COLQ: variants seen among roughly 807,000 people sequenced by gnomAD.
COLQ encodes the protein acetylcholinesterase collagenic tail peptide.
In COLQ, 48 loss-of-function variants were observed where a neutral mutation model predicts 69.0. The observed-to-expected ratio is 0.70, with a 90% CI of 0.55 to 0.88. COLQ has a LOEUF of 0.88. COLQ is among the 40% of genes least tolerant of loss of function. The pLI is 0.00. For missense variants in COLQ, 618 were observed against 594.6 expected (o/e 1.04, Z -0.41); for synonymous variants, 217 against 211.2 (o/e 1.03, Z -0.24).
chr3:15,485,304 C>T (rs556803113), intron 3 of COLQ, among the ~76,000 whole-genome samples: 1 of 152,306 alleles, frequency 6.6e-6, no homozygotes, highest in Non-Finnish European at 1.5e-5. Context: ...TGTCAGTCGG[C>T]CCCTACTGGG....
intron 1 of COLQ, among the ~76,000 whole-genome samples, chr3:15,512,719 G>C (rs1254707557): frequency 6.6e-6 from 1 of 152,190 alleles, no homozygotes; most frequent in East Asian, 1.9e-4. Flanking sequence ...CAGGAAATAT[G>C]TATATATCAC....
chr3:15,452,284 G>A (rs1346620775), intron 16 of COLQ, among the ~76,000 whole-genome samples: 2 of 152,126 alleles, frequency 1.3e-5, no homozygotes, highest in Admixed American at 1.3e-4. Context: ...CCAGGGTGGT[G>A]CCGAACTCTG....
chr3:15,472,478 T>TTTAA (rs2125112349), intron 10 of COLQ, among the ~76,000 whole-genome samples: 1 of 152,346 alleles, frequency 6.6e-6, no homozygotes, highest in African/African-American at 2.4e-5. Flanking sequence ...TAAATAAAAC[T>TTTAA]TTAAGGTGAA....
chr3:15,504,989 C>T (rs2062887237), intron 1 of COLQ, among the ~76,000 whole-genome samples: 1 of 152,200 alleles, frequency 6.6e-6, no homozygotes, highest in Non-Finnish European at 1.5e-5. Context: ...ATTGGTGTTC[C>T]CTGAACAATT....
chr3:15,467,864 A>T (rs763667304), intron 11 of COLQ: 1 of 456,740 alleles, frequency 2.2e-6, no homozygotes, highest in South Asian at 1.5e-5. Flanking sequence ...CCTTGTCCAC[A>T]TGGCACTGGG....
chr3:15,474,978 C>A (rs897061259), intron 7 of COLQ, 27 bp from the exon 8 acceptor site: 52 of 1,612,972 alleles, frequency 3.2e-5, no homozygotes, highest in Non-Finnish European at 4.1e-5. Flanking sequence ...GGTACATTTA[C>A]AATCAGCCCT....
At chr3:15,463,757 G>C (rs1410366567) in intron 12 of COLQ, among the ~76,000 whole-genome samples, 1 of 152,032 alleles carries the variant, frequency 6.6e-6, no homozygotes, top group Non-Finnish European at 1.5e-5. Context: ...CATAGTTATG[G>C]GGCTCCAGGG....
Position 15,451,714 on chromosome 3 carries a change from C to T in COLQ, c.1299-1G>A. ...GGTGCATTGCAGGTCTCCATATGAC[C>T]TGAGGGAGGCAAAGACACGTTCTAA... On this transcript the variant is annotated splice_acceptor_variant, in intron 16 of 16. Coordinates refer to ENST00000383788, the MANE Select transcript of COLQ (RefSeq NM_005677.4). LOFTEE classifies it high-confidence loss of function. 1.9e-6 allele frequency: 3 copies of T among 1,613,884 alleles called. No homozygotes were observed. Among genetic ancestry groups the T allele is most frequent in the Non-Finnish European group, 2.5e-6 (3 of 1,179,850 alleles).
intron 5 of COLQ, 47 bp from the exon 6 acceptor site, chr3:15,477,244 T>G (rs746344978): frequency 2.0e-6 from 3 of 1,518,778 alleles, no homozygotes; most frequent in African/African-American, 1.4e-5. Context: ...TTTGTTTCTT[T>G]ACTTCTAATA....
At chr3:15,487,612 C>A (rs1294477280) in intron 3 of COLQ, among the ~76,000 whole-genome samples, 1 of 152,206 alleles carries the variant, frequency 6.6e-6, no homozygotes, top group Non-Finnish European at 1.5e-5. Flanking sequence ...TGTCCCTCAC[C>A]GATGGAGCAC....
At chr3:15,477,298 T>C in intron 5 of COLQ, 101 bp from the exon 6 acceptor site, 1 of 1,049,050 alleles carries the variant, frequency 9.5e-7, no homozygotes. Context: ...GTGGGTTCTC[T>C]AGGCATGGCT....
intron 2 of COLQ, 78 bp downstream of exon 2, chr3:15,489,447 G>A: frequency 7.6e-7 from 1 of 1,322,078 alleles, no homozygotes; most frequent in Non-Finnish European, 1.1e-6. Context: ...AGGTGGAGTG[G>A]GGCAGGCAGG....
At chr3:15,454,623 C>T (rs1215129655) in intron 15 of COLQ, among the ~76,000 whole-genome samples, 3 of 150,686 alleles carry the variant, frequency 2.0e-5, no homozygotes, top group African/African-American at 7.4e-5. Flanking sequence ...CCGCCACCCA[C>T]TCTGCCCTGT....
rs113318669 is a variant in COLQ at position 15,462,017 on chromosome 3, A to G, written c.815-3692T>C. Among the ~76,000 whole-genome samples the G allele has an allele frequency of 2.4e-3, 344 of 144,944 alleles. 1 individual carries two copies. Among genetic ancestry groups the G allele is most frequent in the African/African-American group, 6.7e-3 (240 of 35,780 alleles). ...GGATAACTTATTTATTTATTTATTTATTTATTTATTTATTTATTTATTTAT... is the reference window on the plus strand; with the variant it reads ...GGATAACTTATTTATTTATTTATTTGTTTATTTATTTATTTATTTATTTAT... On this transcript the variant is annotated intron_variant, in intron 12 of 16. Transcript: ENST00000383788.
At chr3:15,483,360 A>G (rs901472089) in intron 3 of COLQ, among the ~76,000 whole-genome samples, 1 of 152,050 alleles carries the variant, frequency 6.6e-6, no homozygotes, top group Non-Finnish European at 1.5e-5. Context: ...AGTGCTATAA[A>G]TTTCCCCCTA....
chr3:15,506,592 C>T (rs1347159627), intron 1 of COLQ: 1 of 152,028 alleles, frequency 6.6e-6, no homozygotes, highest in Non-Finnish European at 1.5e-5. Context: ...TATGATACTC[C>T]CTCTTGGTTT....
chr3:15,508,660 T>A lies in COLQ; in HGVS notation c.106+12860A>T, dbSNP rs1344220324. ...ATCAAATAATTCCACAAAGCCCCCA[T>A]CAATTCACATCCCCTCCTAGGAGCA... On this transcript the variant is annotated intron_variant, in intron 1 of 16. Coordinates refer to ENST00000383788, the MANE Select transcript of COLQ (RefSeq NM_005677.4). 3.3e-5 allele frequency among the ~76,000 whole-genome samples: 5 copies of A among 152,066 alleles called. No individual in the cohort carries two copies. The South Asian group carries it at 1.0e-3, about 32-fold the overall frequency.
At position 15,451,008 on chromosome 3, in the gene COLQ, TG is replaced by T. The variant is rs1283715668; in HGVS notation, c.*635del. On this transcript the variant is annotated 3_prime_UTR_variant, in exon 17 of 17. Coordinates refer to ENST00000383788, the MANE Select transcript of COLQ (RefSeq NM_005677.4). ...CTGCTTGGGGCAAGCCTGGGTCAGGTGGGTTCTCAGTACTTTTTCACAGTTA... is the reference window on the plus strand; with the variant it reads ...CTGCTTGGGGCAAGCCTGGGTCAGGTGGTTCTCAGTACTTTTTCACAGTTA... 1.3e-5 allele frequency: 2 copies of T among 153,254 alleles called. No homozygotes were observed. Among genetic ancestry groups the T allele is most frequent in the East Asian group, 3.9e-4 (2 of 5,168 alleles). The allele number at this position is 153,254 out of a possible 1,614,324, so 9.5% of individuals were successfully genotyped here.
intron 15 of COLQ, among the ~76,000 whole-genome samples, chr3:15,455,407 C>T (rs539657114): frequency 6.6e-6 from 1 of 152,328 alleles, no homozygotes; most frequent in South Asian, 2.1e-4. Context: ...TGCTGCCTAC[C>T]AGTTAAGGCA....
Sources: gnomAD v4.1 joint callset for allele counts (sites outside exome capture counted in the v4.1 genomes callset) on GRCh38, gnomAD v4.1.1 for gene constraint, MANE v1.5 for transcripts, NCBI Gene and HGNC (gene_info 2026-07-23, HGNC 2026-07-21) for gene names.